Variants in MYOF observed in about 807,000 individuals in gnomAD.
MYOF encodes fer-1-like 3, myoferlin.
In MYOF, 244 loss-of-function variants were observed where a neutral mutation model predicts 284.2. That is an observed-to-expected ratio of 0.86 (90% CI 0.77 to 0.95). The LOEUF (loss-of-function observed/expected upper bound fraction) is 0.95. MYOF is among the 40% of genes least tolerant of loss of function. MYOF has a pLI of 0.00. For synonymous variants in MYOF, 904 were observed against 919.7 expected (o/e 0.98, Z 0.31); for missense variants, 2,496 against 2,560.6 (o/e 0.97, Z 0.54).
chr10:93,423,808 G>A (rs1208543565), intron 5 of MYOF, among the ~76,000 whole-genome samples: 1 of 151,444 alleles, frequency 6.6e-6, no homozygotes, highest in Non-Finnish European at 1.5e-5. Flanking sequence ...ACTCCAGCCT[G>A]GGCGACAGAG....
intron 7 of MYOF, among the ~76,000 whole-genome samples, chr10:93,406,781 A>G (rs1847612364): frequency 6.6e-6 from 1 of 152,138 alleles, no homozygotes; most frequent in Non-Finnish European, 1.5e-5. Flanking sequence ...AGCCAGTTTG[A>G]ACGAAGAGGA....
Position 93,397,280 on chromosome 10 carries a change from A to T in MYOF, c.1301T>A (p.Val434Glu). The T allele has an allele frequency of 6.2e-7, 1 of 1,600,346 alleles. No individual in the cohort carries two copies. The highest frequency in any genetic ancestry group is 8.5e-7 in the Non-Finnish European group (1 of 1,170,752). The part of the protein sequence containing the change: ...VVNLQIKFPS[V>E]CEKIKLTIYD... ...TATTGTTAGTTTTATTTTTTCACAC[A>T]CTGAAGGAAACTAAAAAAATGAGAC... The change falls in exon 15 of 54, where the codon GTG becomes GAG. Residue 434 changes from valine (V) to glutamate (E), a missense_variant. This residue lies in a region of MYOF where 2,436 missense variants were observed against 2,480.7 expected (regional missense o/e 0.98). Coordinates refer to ENST00000359263, the MANE Select transcript of MYOF (RefSeq NM_013451.4).
chr10:93,370,838 G>A (rs1369017264), intron 24 of MYOF, among the ~76,000 whole-genome samples: 1 of 150,714 alleles, frequency 6.6e-6, no homozygotes, highest in Admixed American at 6.7e-5. Flanking sequence ...GGTAAACATG[G>A]TTATTCCAAT....
At chr10:93,479,638 T>G (rs542692505) in intron 1 of MYOF, among the ~76,000 whole-genome samples, 1 of 152,278 alleles carries the variant, frequency 6.6e-6, no homozygotes, top group East Asian at 1.9e-4. Context: ...GGAAGGCATC[T>G]AAAGACCAGT....
At chr10:93,471,000 G>T (rs555112923) in intron 1 of MYOF, among the ~76,000 whole-genome samples, 1 of 152,256 alleles carries the variant, frequency 6.6e-6, no homozygotes, top group East Asian at 1.9e-4. Flanking sequence ...GAAAGAGAGA[G>T]AAGGGCAAGG....
intron 3 of MYOF, among the ~76,000 whole-genome samples, chr10:93,446,826 TTCTTGTGCCTTGG>T (rs1190040012): frequency 6.6e-6 from 1 of 151,990 alleles, no homozygotes; most frequent in East Asian, 1.9e-4. Flanking sequence ...GTTCGAGTGA[TTCTTGTGCCTTGG>T]CCTCCTGAGC....
At chr10:93,341,838 G>A (rs1249064160) in intron 38 of MYOF, 4 of 1,000,614 alleles carry the variant, frequency 4.0e-6, no homozygotes, top group Non-Finnish European at 5.4e-6. Flanking sequence ...GGAAAGAGTT[G>A]TAAGAATAAT....
At chr10:93,479,313 A>G (rs1171616824) in intron 1 of MYOF, among the ~76,000 whole-genome samples, 1 of 151,896 alleles carries the variant, frequency 6.6e-6, no homozygotes, top group African/African-American at 2.4e-5. Flanking sequence ...AGTTTACCAT[A>G]CCCTGCCCCA....
At chr10:93,307,032 A>C (rs1160156591) in intron 53 of MYOF, 31 bp from the exon 54 acceptor site, 5 of 1,585,728 alleles carry the variant, frequency 3.2e-6, no homozygotes, top group Non-Finnish European at 4.3e-6. Flanking sequence ...GTGGTAAAAA[A>C]ACATGTATGT....
intron 1 of MYOF, among the ~76,000 whole-genome samples, chr10:93,467,621 T>A (rs1357383546): frequency 2.6e-5 from 4 of 152,092 alleles, no homozygotes; most frequent in Non-Finnish European, 5.9e-5. Flanking sequence ...ATCCCATTAC[T>A]GGGTATATAC....
Position 93,347,632 on chromosome 10 carries a change from C to T in MYOF, c.4234G>A (p.Val1412Ile), listed in dbSNP as rs766655843. Residue 1412 changes from valine (V) to isoleucine (I), a missense_variant, in exon 37 of 54, where the codon GTC becomes ATC. Coordinates refer to ENST00000359263, the MANE Select transcript of MYOF (RefSeq NM_013451.4). The stretch of plus-strand genomic sequence containing the variant: ...TGCATGTTACCTTTGAGCTGTGGGA[C>T]GATGTCCTCTTTCCCTGCATAAGGG... Reference protein sequence around the residue: ...CDPYAGKEDIVPQLKASLLSA... With the variant: ...CDPYAGKEDIIPQLKASLLSA... 6 of 1,612,110 alleles carry T rather than the reference C, an allele frequency of 3.7e-6. No individual in the cohort carries two copies. Among genetic ancestry groups the T allele is most frequent in the African/African-American group, 2.7e-5 (2 of 74,556 alleles).
intron 43 of MYOF, among the ~76,000 whole-genome samples, chr10:93,332,410 T>C (rs1843355074): frequency 1.3e-5 from 2 of 151,752 alleles, no homozygotes; most frequent in South Asian, 4.2e-4. Context: ...TTTGTAGAGA[T>C]GGGGTTTCAC....
At chr10:93,442,420 C>G (rs1016616637) in intron 3 of MYOF, among the ~76,000 whole-genome samples, 1 of 152,066 alleles carries the variant, frequency 6.6e-6, no homozygotes, top group African/African-American at 2.4e-5. Context: ...AGAAATTTGC[C>G]AAGAGTCACC....
intron 1 of MYOF, among the ~76,000 whole-genome samples, chr10:93,474,350 G>C (rs2057213964): frequency 6.6e-6 from 1 of 152,056 alleles, no homozygotes. Flanking sequence ...TGGCTCTCTG[G>C]TCCTCCTGTA....
At chr10:93,349,542 C>G (rs976801121) in intron 36 of MYOF, among the ~76,000 whole-genome samples, 1 of 152,188 alleles carries the variant, frequency 6.6e-6, no homozygotes, top group Non-Finnish European at 1.5e-5. Flanking sequence ...TAATAGATAG[C>G]TGAATAGATG....
At chr10:93,462,392 A>G (rs1296177475) in intron 1 of MYOF, among the ~76,000 whole-genome samples, 1 of 152,060 alleles carries the variant, frequency 6.6e-6, no homozygotes, top group Non-Finnish European at 1.5e-5. Context: ...TACATGCATC[A>G]TTTCATTGAA....
Position 93,359,864 on chromosome 10 carries a change from T to C in MYOF, c.3089A>G (p.Asp1030Gly). 1 of 1,614,214 alleles carries C rather than the reference T, an allele frequency of 6.2e-7. No individual in the cohort carries two copies. Among genetic ancestry groups the C allele is most frequent in the South Asian group, 1.1e-5 (1 of 91,076 alleles). Reference sequence around the variant, plus strand: ...GGTGCTTGAAGCAGTCTGTGTTAAATCTTTCTTGCGTTTTCGGACCAGCCT... The same window carrying C: ...GGTGCTTGAAGCAGTCTGTGTTAAACCTTTCTTGCGTTTTCGGACCAGCCT... ...RRRLVRKRKK[D>G]LTQTASSTAR... is the part of the protein sequence containing the mutation. Residue 1030 changes from aspartate (D) to glycine (G), a missense_variant, in exon 29 of 54, where the codon GAT becomes GGT. Transcript: ENST00000359263.
At chr10:93,388,557 C>T (rs576547615) in intron 18 of MYOF, among the ~76,000 whole-genome samples, 2 of 152,216 alleles carry the variant, frequency 1.3e-5, no homozygotes, top group South Asian at 2.1e-4. Flanking sequence ...GGCTTTTTCT[C>T]TCTAGCTTGG....
intron 43 of MYOF, among the ~76,000 whole-genome samples, chr10:93,332,999 T>C (rs1018551612): frequency 2.6e-5 from 4 of 152,216 alleles, no homozygotes; most frequent in African/African-American, 9.6e-5. Context: ...GTACTAATGC[T>C]GTCTGTCTAC....
Sources: allele counts gnomAD v4.1 joint callset (sites outside exome capture counted in the v4.1 genomes callset), GRCh38; gene constraint gnomAD v4.1.1; regional missense constraint gnomAD v4.1.1; transcripts MANE v1.5; gene names NCBI Gene and HGNC (gene_info 2026-07-23, HGNC 2026-07-21).